Variants in PCCA observed in about 807,000 individuals in gnomAD.
The protein encoded by PCCA is propionyl-CoA carboxylase subunit alpha, also known as propionyl-CoA carboxylase alpha chain, mitochondrial.
Under a neutral mutation model 101.3 loss-of-function variants are expected in PCCA, and 74 were observed. The ratio of observed to expected loss-of-function variants is 0.73; its 90% CI spans 0.61 to 0.89. PCCA has a LOEUF of 0.89. Ranked by LOEUF, PCCA falls within the 40% of genes least tolerant of loss-of-function variation. The pLI is 0.00. For synonymous variants in PCCA, 294 were observed against 313.6 expected (o/e 0.94, Z 0.66); for missense variants, 891 against 907.0 (o/e 0.98, Z 0.23).
intron 17 of PCCA, among the ~76,000 whole-genome samples, chr13:100,337,266 G>A (rs1371112947): frequency 6.6e-6 from 1 of 152,168 alleles, no homozygotes; most frequent in Non-Finnish European, 1.5e-5. Flanking sequence ...CACATTAGAA[G>A]CTGCTCAGAA....
rs568741485 is a variant in PCCA, at chr13:100,471,188, G to A, written c.1899+21883G>A. Among the ~76,000 whole-genome samples the A allele has an allele frequency of 1.1e-4, 16 of 152,272 alleles. No homozygotes were observed. The South Asian group carries it at 2.7e-3, about 26-fold the overall frequency. On this transcript the variant is annotated intron_variant, in intron 21 of 23. Coordinates refer to ENST00000376285, the MANE Select transcript of PCCA (RefSeq NM_000282.4). ...GTCTTGGGGAATAGGGAGGCCCAAG[G>A]AGAGGGAGAGAGATGGGGGATTGGC...
intron 4 of PCCA, among the ~76,000 whole-genome samples, chr13:100,116,512 T>C (rs2048814998): frequency 6.6e-6 from 1 of 152,234 alleles, no homozygotes; most frequent in South Asian, 2.1e-4. Context: ...AGTTTACCTC[T>C]GTTGGTCCCT....
intron 6 of PCCA, among the ~76,000 whole-genome samples, chr13:100,205,538 C>CTTTTTTTTTT (rs3034652): frequency 8.9e-6 from 1 of 112,136 alleles, no homozygotes; most frequent in African/African-American, 3.5e-5. Context: ...TTGATATAAG[C>CTTTTTTTTTT]TTTTTTTTTT....
intron 4 of PCCA, among the ~76,000 whole-genome samples, chr13:100,127,707 A>C (rs1398015667): frequency 1.3e-5 from 2 of 151,634 alleles, no homozygotes; most frequent in Non-Finnish European, 2.9e-5. Flanking sequence ...CCTGGCTAAC[A>C]CAGTGAAACC....
chr13:100,177,111 G>A (rs2056314147), intron 6 of PCCA, among the ~76,000 whole-genome samples: 1 of 152,166 alleles, frequency 6.6e-6, no homozygotes, highest in African/African-American at 2.4e-5. Flanking sequence ...AGAATTAAAG[G>A]TGACATCTGC....
rs185677967 is a variant in PCCA, at chr13:100,406,000, C to T, written c.1747-19633C>T. Among the ~76,000 whole-genome samples, 13 of 152,050 alleles carry T rather than the reference C, an allele frequency of 8.5e-5. No homozygotes were observed. In the East Asian group the frequency reaches 1.2e-3, roughly 14 times the overall value. ...CAGGATGGTCTCGATCTCTTGACCT[C>T]GTGATCCACCCGCCTCGGCCTCCCA... On this transcript the variant is annotated intron_variant, in intron 19 of 23. Transcript: ENST00000376285.
chr13:100,290,576 G>A (rs375469032), intron 12 of PCCA, among the ~76,000 whole-genome samples: 1 of 152,122 alleles, frequency 6.6e-6, no homozygotes, highest in East Asian at 1.9e-4. Flanking sequence ...GCCTTGGTTT[G>A]TGTTTGTATA....
intron 12 of PCCA, among the ~76,000 whole-genome samples, chr13:100,273,605 A>G (rs1444197868): frequency 1.3e-5 from 2 of 152,174 alleles, no homozygotes; most frequent in African/African-American, 4.8e-5. Context: ...ACCTTTCTAG[A>G]TGAACTGTAT....
At chr13:100,440,159 TATATATA>T (rs2080242404) in intron 20 of PCCA, among the ~76,000 whole-genome samples, 7 of 1,536 alleles carry the variant, frequency 4.6e-3, no homozygotes, top group Admixed American at 0.023. Flanking sequence ...TATTAAATTA[TATATATA>T]TATATATATA....
At chr13:100,453,718 C>A (rs927181914) in intron 21 of PCCA, among the ~76,000 whole-genome samples, 1 of 152,010 alleles carries the variant, frequency 6.6e-6, no homozygotes, top group African/African-American at 2.4e-5. Context: ...AATTTCACTC[C>A]CTTTTATCCA....
intron 22 of PCCA, among the ~76,000 whole-genome samples, chr13:100,518,937 G>T (rs560764625): frequency 2.0e-5 from 3 of 152,288 alleles, no homozygotes; most frequent in African/African-American, 7.2e-5. Context: ...AATAACGGTA[G>T]AATACATTTT....
chr13:100,117,598 G>T (rs1019953195), intron 4 of PCCA, among the ~76,000 whole-genome samples: 3 of 151,750 alleles, frequency 2.0e-5, no homozygotes, highest in African/African-American at 7.3e-5. Context: ...ACAGGGTAGG[G>T]AACATCACAC....
chr13:100,091,641 A>G (rs973219979), intron 1 of PCCA, among the ~76,000 whole-genome samples: 2 of 152,124 alleles, frequency 1.3e-5, no homozygotes, highest in Non-Finnish European at 2.9e-5. Context: ...CACCTCTGCA[A>G]ACCTTTTGGT....
chr13:100,302,816 A>G (rs917517042), intron 13 of PCCA, 108 bp from the exon 14 acceptor site: 15 of 759,982 alleles, frequency 2.0e-5, no homozygotes, highest in African/African-American at 3.4e-5. Flanking sequence ...GGTAAATACC[A>G]TATGTTGAAA....
At chr13:100,154,391 AAT>A (rs1244449346) in intron 4 of PCCA, 1 of 154,414 alleles carries the variant, frequency 6.5e-6, no homozygotes, top group Non-Finnish European at 1.4e-5. Flanking sequence ...TTCTTTTAGG[AAT>A]AAATGTAAAA....
At chr13:100,433,931 A>G (rs2079741610) in intron 20 of PCCA, among the ~76,000 whole-genome samples, 1 of 152,242 alleles carries the variant, frequency 6.6e-6, no homozygotes, top group Non-Finnish European at 1.5e-5. Context: ...AGATACAAGG[A>G]AAGCTGTCCA....
chr13:100,392,028 T>C (rs1309815097), intron 19 of PCCA, among the ~76,000 whole-genome samples: 2 of 152,228 alleles, frequency 1.3e-5, no homozygotes, highest in African/African-American at 2.4e-5. Flanking sequence ...ATTTCCATCA[T>C]TGTGCTTATC....
chr13:100,258,160 T>C (rs2062203061), intron 9 of PCCA, among the ~76,000 whole-genome samples: 2 of 152,214 alleles, frequency 1.3e-5, no homozygotes, highest in South Asian at 4.1e-4. Context: ...TCTTTTTCCT[T>C]GAGTTTGAAA....
chr13:100,210,772 C>T (rs2152481521), intron 7 of PCCA, among the ~76,000 whole-genome samples: 1 of 152,282 alleles, frequency 6.6e-6, no homozygotes, highest in African/African-American at 2.4e-5. Context: ...TTTTGGCATT[C>T]TGTGTTGGGT....
Sources: gnomAD v4.1 joint callset for allele counts (sites outside exome capture counted in the v4.1 genomes callset) on GRCh38, gnomAD v4.1.1 for gene constraint, MANE v1.5 for transcripts, NCBI Gene and HGNC (gene_info 2026-07-23, HGNC 2026-07-21) for gene names.